GPC3: variants seen among roughly 807,000 people sequenced by gnomAD.
GPC3 encodes glypican-3.
Under a neutral mutation model 34.4 loss-of-function variants are expected in GPC3, and 3 were observed. That is an observed-to-expected ratio of 0.09 (90% CI 0.04 to 0.23). The LOEUF (loss-of-function observed/expected upper bound fraction) is 0.23. Among genes scored for constraint, GPC3 ranks in the 10% least tolerant of loss-of-function variants. The pLI, the probability that GPC3 is intolerant of heterozygous loss-of-function variation, is 1.00. For synonymous variants in GPC3, 177 were observed against 174.0 expected (o/e 1.02, Z -0.13); for missense variants, 351 against 445.6 (o/e 0.79, Z 1.91).
intron 2 of GPC3, among the ~76,000 whole-genome samples, chrX:133,860,277 G>GT (rs955113747): frequency 1.8e-5 from 2 of 111,076 alleles, no homozygotes; most frequent in Non-Finnish European, 3.8e-5. Flanking sequence ...TATTAGTACC[G>GT]TTTTTTTCCC....
intron 6 of GPC3, among the ~76,000 whole-genome samples, chrX:133,603,062 C>G (rs1238052430): frequency 3.7e-5 from 4 of 108,486 alleles, no homozygotes; most frequent in Non-Finnish European, 7.6e-5. Context: ...TTCAATCATT[C>G]CTTTCCCAAT....
At chrX:133,823,012 C>T (rs1221756791) in intron 2 of GPC3, among the ~76,000 whole-genome samples, 11 of 106,442 alleles carry the variant, frequency 1.0e-4, no homozygotes, top group Admixed American at 7.1e-4. Flanking sequence ...GCCTGTAATC[C>T]CAGCTACTCA....
intron 6 of GPC3, among the ~76,000 whole-genome samples, chrX:133,641,444 C>A (rs1232120268): frequency 9.1e-6 from 1 of 109,563 alleles, no homozygotes; most frequent in African/African-American, 3.3e-5. Flanking sequence ...CCACTGCACT[C>A]CAGCCTGGGT....
chrX:133,853,413 C>G (rs112995642), intron 2 of GPC3, among the ~76,000 whole-genome samples: 3 of 111,834 alleles, frequency 2.7e-5, no homozygotes, highest in African/African-American at 9.8e-5. Context: ...GTAGTCATTT[C>G]TCTCCTCTCC....
At chrX:133,852,497 G>C (rs746083303) in intron 2 of GPC3, among the ~76,000 whole-genome samples, 13 of 112,359 alleles carry the variant, frequency 1.2e-4, no homozygotes, top group Non-Finnish European at 2.3e-4. Flanking sequence ...CATTCTTGGG[G>C]AACTAAATAC....
chrX:133,540,406 C>T (rs1195569180), intron 7 of GPC3, among the ~76,000 whole-genome samples: 1 of 112,642 alleles, frequency 8.9e-6, no homozygotes, highest in Non-Finnish European at 1.9e-5. Context: ...TTTGCAGCAA[C>T]TTGGATGGAG....
At chrX:133,797,649 C>T (rs954635761) in intron 2 of GPC3, among the ~76,000 whole-genome samples, 6 of 110,609 alleles carry the variant, frequency 5.4e-5, no homozygotes, top group African/African-American at 2.0e-4. Flanking sequence ...GCCAACATGT[C>T]GAAACCCTGT....
intron 2 of GPC3, among the ~76,000 whole-genome samples, chrX:133,826,102 A>G (rs142393269): frequency 0.019 from 2,115 of 111,758 alleles, 26 homozygotes; most frequent in Non-Finnish European, 0.025. Flanking sequence ...AAAACGCCCA[A>G]TTTTTAACCA....
At chrX:133,661,573 TC>T (rs1569408583) in intron 6 of GPC3, among the ~76,000 whole-genome samples, 156 bp downstream of exon 6, 20 of 5,152 alleles carry the variant, frequency 3.9e-3, no homozygotes, top group South Asian at 8.5e-3. Context: ...TCTCTTTCTC[TC>T]TCTCTCTCTC....
At chrX:133,748,436 C>A (rs189432009) in intron 3 of GPC3, among the ~76,000 whole-genome samples, 1 of 111,570 alleles carries the variant, frequency 9.0e-6, no homozygotes, top group Non-Finnish European at 1.9e-5. Context: ...TCACTTGGGG[C>A]CAAGATATTT....
intron 7 of GPC3, among the ~76,000 whole-genome samples, chrX:133,594,287 C>T (rs886227449): frequency 8.1e-5 from 9 of 111,364 alleles, no homozygotes; most frequent in South Asian, 7.6e-4. Context: ...TGACACATCA[C>T]GCTGGGGGTG....
chrX:133,746,692 A>T (rs1203417551), intron 3 of GPC3, among the ~76,000 whole-genome samples: 1 of 112,526 alleles, frequency 8.9e-6, no homozygotes, highest in East Asian at 2.8e-4. Context: ...GTTGCTTACC[A>T]TTGTTCTAGA....
In GPC3 at chrX:133,652,895, A is replaced by G. The variant is rs138158700; in HGVS notation, c.1413+8835T>C. Among the ~76,000 whole-genome samples, 376 of 112,133 alleles carry G rather than the reference A, an allele frequency of 3.4e-3. 1 individual carries two copies. Among genetic ancestry groups the G allele is most frequent in the Middle Eastern group, 0.014 (3 of 219 alleles). ...TGACATGGGCAAAGAAAACTCATAT[A>G]TGTTGGTCATCAGCTTCAAAGAAGC... On this transcript the variant is annotated intron_variant, in intron 6 of 7. Coordinates refer to ENST00000370818, the MANE Select transcript of GPC3 (RefSeq NM_004484.4).
At chrX:133,653,462 G>A (rs1273456295) in intron 6 of GPC3, among the ~76,000 whole-genome samples, 1 of 111,598 alleles carries the variant, frequency 9.0e-6, no homozygotes, top group Admixed American at 9.6e-5. Context: ...AAGATGTCCA[G>A]GAAGGTGGAG....
intron 5 of GPC3, among the ~76,000 whole-genome samples, chrX:133,669,164 T>C (rs1400623389): frequency 8.9e-6 from 1 of 112,143 alleles, no homozygotes; most frequent in African/African-American, 3.2e-5. Context: ...GACATACTTG[T>C]GTTCTTGGGA....
intron 2 of GPC3, among the ~76,000 whole-genome samples, chrX:133,916,094 G>A (rs1423510153): frequency 3.0e-5 from 3 of 100,459 alleles, no homozygotes; most frequent in Non-Finnish European, 4.0e-5. Flanking sequence ...GCAGTAAGCC[G>A]AGATCACACC....
At chrX:133,966,474 A>C (rs1018461942) in intron 1 of GPC3, among the ~76,000 whole-genome samples, 1 of 112,263 alleles carries the variant, frequency 8.9e-6, no homozygotes, top group African/African-American at 3.2e-5. Flanking sequence ...TGCTTCTCCC[A>C]GCTCTAATAG....
At chrX:133,539,803 G>A (rs980188056) in intron 7 of GPC3, among the ~76,000 whole-genome samples, 7 of 112,458 alleles carry the variant, frequency 6.2e-5, no homozygotes, top group African/African-American at 2.3e-4. Flanking sequence ...GTACGCTTGG[G>A]CCACCATCAT....
chrX:133,613,222 T>A, intron 6 of GPC3, among the ~76,000 whole-genome samples: 1 of 112,497 alleles, frequency 8.9e-6, no homozygotes, highest in South Asian at 3.7e-4. Flanking sequence ...TAAGTATTTA[T>A]GGCTTTTGGT....
Sources: gnomAD v4.1 joint callset for allele counts (sites outside exome capture counted in the v4.1 genomes callset) on GRCh38, gnomAD v4.1.1 for gene constraint, MANE v1.5 for transcripts, NCBI Gene and HGNC (gene_info 2026-07-23, HGNC 2026-07-21) for gene names.